The following JPH3 variants were observed in gnomAD, a reference collection of about 807,000 sequenced individuals.
JPH3 encodes junctophilin 3.
A neutral mutation model predicts 59.6 loss-of-function variants in JPH3; 11 were observed. That is an observed-to-expected ratio of 0.18 (90% confidence interval 0.12 to 0.31). The LOEUF (loss-of-function observed/expected upper bound fraction) is 0.31, where lower values mean the gene tolerates loss of function less well. JPH3 is among the 10% of genes least tolerant of loss of function. The pLI, the probability that JPH3 is intolerant of heterozygous loss-of-function variation, is 1.00. For missense variants in JPH3, 1,202 were observed against 1,105.7 expected, an observed-to-expected ratio of 1.09 and a Z score of -1.24; for synonymous variants, 673 against 483.6, an observed-to-expected ratio of 1.39 and a Z score of -5.14.
chr16:87,683,892 C>T (rs1473675982), intron 2 of JPH3: 2 of 467,814 alleles, frequency 4.3e-6, no homozygotes, highest in African/African-American at 4.0e-5. Flanking sequence ...AGGCGTGAGC[C>T]ACCATGCCCT....
chr16:87,639,539 C>G (rs1398505377), intron 1 of JPH3, among the ~76,000 whole-genome samples: 3 of 152,062 alleles, frequency 2.0e-5, no homozygotes, highest in Non-Finnish European at 4.4e-5. Context: ...ACTTTTCCAT[C>G]TCCAGAACTT....
In JPH3 at chr16:87,689,854, C is replaced by T. The variant is rs1266643482; in HGVS notation, c.1494C>T (p.Val498=). ...PPPAPAARNK[V]AHFSRQVSVD... The stretch of plus-strand genomic sequence containing the variant: ...CCGCGCCCGCCGCCAGGAACAAGGT[C>T]GCCCACTTCTCGAGGCAGGTGTCGG... Residue 498 remains valine (V), a synonymous_variant, in exon 4 of 5, where the codon GTC becomes GTT. Transcript: ENST00000284262. 7 of 1,517,856 alleles carry T rather than the reference C, an allele frequency of 4.6e-6. No individual in the cohort carries two copies. Among genetic ancestry groups the T allele is most frequent in the Non-Finnish European group, 5.3e-6 (6 of 1,133,366 alleles). 94.0% of individuals were successfully genotyped at this position (1,517,856 alleles called of 1,614,324 possible).
chr16:87,637,607 C>G (rs185995751), intron 1 of JPH3, among the ~76,000 whole-genome samples: 90 of 152,176 alleles, frequency 5.9e-4, no homozygotes, highest in African/African-American at 2.0e-3. Context: ...GGGTGAGACC[C>G]TAGTGACTCA....
At chr16:87,650,402 C>A (rs2032293078) in intron 2 of JPH3, among the ~76,000 whole-genome samples, 1 of 152,154 alleles carries the variant, frequency 6.6e-6, no homozygotes, top group South Asian at 2.1e-4. Flanking sequence ...TCTCCCTATT[C>A]CCTGAGACAC....
intron 4 of JPH3, chr16:87,696,164 T>C (rs757993485): frequency 3.3e-5 from 15 of 455,744 alleles, no homozygotes; most frequent in Non-Finnish European, 5.3e-5. Context: ...ATGGCAGCCA[T>C]GCGGGCCCTT....
intron 2 of JPH3, among the ~76,000 whole-genome samples, chr16:87,652,668 G>A (rs1244994031): frequency 6.6e-6 from 1 of 152,356 alleles, no homozygotes; most frequent in Non-Finnish European, 1.5e-5. Context: ...CTGGAGGCCA[G>A]GCAGGTGCGG....
chr16:87,674,039 A>G (rs967495872), intron 2 of JPH3, among the ~76,000 whole-genome samples: 3 of 151,376 alleles, frequency 2.0e-5, no homozygotes, highest in Non-Finnish European at 4.4e-5. Flanking sequence ...AAGTTAAAAA[A>G]AAAAACAAAA....
chr16:87,661,006 T>G (rs1207218003), intron 2 of JPH3, among the ~76,000 whole-genome samples: 6 of 152,230 alleles, frequency 3.9e-5, no homozygotes, highest in African/African-American at 1.2e-4. Flanking sequence ...TGTAGAATAT[T>G]TGTATGCACA....
At chr16:87,615,303 A>G (rs1474431971) in intron 1 of JPH3, among the ~76,000 whole-genome samples, 2 of 152,198 alleles carry the variant, frequency 1.3e-5, no homozygotes, top group Admixed American at 1.3e-4. Flanking sequence ...CCTGGGCTGG[A>G]GTAGACCCAG....
At chr16:87,616,467 G>C (rs1342026486) in intron 1 of JPH3, among the ~76,000 whole-genome samples, 13 of 151,528 alleles carry the variant, frequency 8.6e-5, no homozygotes, top group African/African-American at 2.9e-4. Flanking sequence ...AGCCAGGATG[G>C]TCTTGATCTC....
In JPH3 at chr16:87,602,727, G is replaced by A. The variant is rs2030285007; in HGVS notation, c.-420G>A. Among the ~76,000 whole-genome samples the A allele has an allele frequency of 7.3e-6, 1 of 137,046 alleles. No individual in the cohort carries two copies. The highest frequency in any genetic ancestry group is 1.6e-5 in the Non-Finnish European group (1 of 61,904). 89.9% of individuals were successfully genotyped at this position (137,046 alleles called of 152,430 possible). A position where few individuals can be genotyped will look rare whatever the true frequency, so the allele number is the denominator to read the frequency against. On this transcript the variant is annotated 5_prime_UTR_variant, in exon 1 of 5. Transcript: ENST00000284262. The stretch of plus-strand genomic sequence containing the variant: ...CGCAGCGCGGCAGCCGCAGGTGGGG[G>A]GCCGCGGCCCGGGCCTGAGCTGCCC...
intron 1 of JPH3, among the ~76,000 whole-genome samples, chr16:87,608,016 C>T (rs1431720859): frequency 6.6e-6 from 1 of 152,274 alleles, no homozygotes; most frequent in African/African-American, 2.4e-5. Context: ...CACCCCTACC[C>T]ACGTTGGCCG....
chr16:87,646,514 A>T (rs940422296), intron 2 of JPH3, among the ~76,000 whole-genome samples: 1 of 152,224 alleles, frequency 6.6e-6, no homozygotes, highest in Non-Finnish European at 1.5e-5. Flanking sequence ...TATTTTTTCC[A>T]TCATAAATGT....
At chr16:87,650,708 A>G (rs2032300736) in intron 2 of JPH3, among the ~76,000 whole-genome samples, 1 of 152,266 alleles carries the variant, frequency 6.6e-6, no homozygotes, top group African/African-American at 2.4e-5. Flanking sequence ...GAGAAGATCA[A>G]ACTAACCACA....
intron 1 of JPH3, among the ~76,000 whole-genome samples, chr16:87,624,663 T>C (rs1434488518): frequency 6.6e-6 from 1 of 152,264 alleles, no homozygotes; most frequent in Non-Finnish European, 1.5e-5. Flanking sequence ...TCCTGAGTCG[T>C]GCTGCTGTGA....
At chr16:87,684,404 T>C (rs2033367693) in intron 3 of JPH3, 138 bp downstream of exon 3, 1 of 1,365,494 alleles carries the variant, frequency 7.3e-7, no homozygotes, top group African/African-American at 1.4e-5. Context: ...GCCCGGTGTC[T>C]TCCTCTCCCG....
At chr16:87,658,645 C>T (rs910985440) in intron 2 of JPH3, among the ~76,000 whole-genome samples, 1 of 152,154 alleles carries the variant, frequency 6.6e-6, no homozygotes, top group Non-Finnish European at 1.5e-5. Flanking sequence ...CAGAGGCGTC[C>T]AGGTGACACC....
At chr16:87,659,897 C>G (rs982253169) in intron 2 of JPH3, among the ~76,000 whole-genome samples, 1 of 152,192 alleles carries the variant, frequency 6.6e-6, no homozygotes, top group Non-Finnish European at 1.5e-5. Context: ...TTCCCTCCCC[C>G]AGCCTGGGGA....
In JPH3 at chr16:87,689,256, C is replaced by G. The variant is rs149876259; in HGVS notation, c.1286-390C>G. On this transcript the variant is annotated intron_variant, in intron 3 of 4. Transcript: ENST00000284262. ...GCTGTGACAGCTCGGCCTCCCCAGA[C>G]AGGTGGTCAGCTAGGGTGAGGGGCT... Among the ~76,000 whole-genome samples the G allele has an allele frequency of 3.6e-3, 554 of 152,270 alleles. 1 individual carries two copies. Among genetic ancestry groups the G allele is most frequent in the African/African-American group, 0.013 (529 of 41,548 alleles).
Sources: allele counts gnomAD v4.1 joint callset (sites outside exome capture counted in the v4.1 genomes callset), GRCh38; gene constraint gnomAD v4.1.1; transcripts MANE v1.5; gene names NCBI Gene and HGNC (gene_info 2026-07-23, HGNC 2026-07-21).